The following COL8A1 variants were observed in gnomAD, a reference collection of about 807,000 sequenced individuals.
COL8A1 encodes the protein collagen type VIII alpha 1 chain.
COL8A1 carries 21 observed loss-of-function variants against 42.7 expected under a neutral mutation model. That is an observed-to-expected ratio of 0.49 (90% CI 0.35 to 0.71). The LOEUF (loss-of-function observed/expected upper bound fraction) is 0.71, where lower values mean the gene tolerates loss of function less well. Among genes scored for constraint, COL8A1 ranks in the 30% least tolerant of loss-of-function variants. The probability of loss-of-function intolerance (pLI) is 0.01; values close to 1 mark genes in which losing one functional copy is unlikely to be tolerated. For missense variants in COL8A1, 788 were observed against 962.4 expected (o/e 0.82, Z 2.40); for synonymous variants, 367 against 369.1 (o/e 0.99, Z 0.06).
intron 1 of COL8A1, among the ~76,000 whole-genome samples, chr3:99,666,148 C>A (rs780421183): frequency 6.6e-6 from 1 of 152,180 alleles, no homozygotes; most frequent in African/African-American, 2.4e-5. Context: ...CTAAACCCCA[C>A]TCTGAACCTT....
At chr3:99,770,416 G>A (rs1941556140) in intron 2 of COL8A1, among the ~76,000 whole-genome samples, 1 of 152,126 alleles carries the variant, frequency 6.6e-6, no homozygotes, top group South Asian at 2.1e-4. Flanking sequence ...TGCCAAAATG[G>A]CCTAGCCTGC....
chr3:99,723,614 T>C (rs1372643735), intron 1 of COL8A1, among the ~76,000 whole-genome samples: 1 of 152,162 alleles, frequency 6.6e-6, no homozygotes. Context: ...GAAATTTCTC[T>C]GGCAGGCTAT....
At chr3:99,791,973 C>T (rs945888933) in intron 3 of COL8A1, among the ~76,000 whole-genome samples, 1 of 152,184 alleles carries the variant, frequency 6.6e-6, no homozygotes, top group Non-Finnish European at 1.5e-5. Context: ...GGAGTTGCTA[C>T]AACTGCTCAT....
chr3:99,739,559 G>C (rs1416368950), intron 1 of COL8A1, among the ~76,000 whole-genome samples: 2 of 152,188 alleles, frequency 1.3e-5, no homozygotes, highest in South Asian at 2.1e-4. Flanking sequence ...CTTGACTGCT[G>C]TGTACCCACA....
intron 1 of COL8A1, among the ~76,000 whole-genome samples, chr3:99,694,074 C>G (rs1227519732): frequency 1.3e-5 from 2 of 152,196 alleles, no homozygotes; most frequent in Non-Finnish European, 2.9e-5. Context: ...GTAGTAGGCT[C>G]TACGATCTAG....
intron 2 of COL8A1, among the ~76,000 whole-genome samples, chr3:99,760,240 G>A (rs1359043273): frequency 2.0e-5 from 3 of 152,118 alleles, no homozygotes; most frequent in African/African-American, 4.8e-5. Flanking sequence ...CTCAGAGCAC[G>A]TGAATACATC....
intron 1 of COL8A1, among the ~76,000 whole-genome samples, chr3:99,713,785 G>GA (rs11289129): frequency 1.8e-4 from 27 of 150,798 alleles, no homozygotes; most frequent in South Asian, 4.2e-4. Flanking sequence ...ATGGATTTGT[G>GA]AAAAAAAAAA....
chr3:99,666,326 G>A (rs962843522), intron 1 of COL8A1, among the ~76,000 whole-genome samples: 2 of 152,180 alleles, frequency 1.3e-5, no homozygotes, highest in Non-Finnish European at 2.9e-5. Context: ...CTTGCTGCAA[G>A]GTCCTTGAGC....
At chr3:99,665,435 A>T (rs1938335606) in intron 1 of COL8A1, among the ~76,000 whole-genome samples, 1 of 152,182 alleles carries the variant, frequency 6.6e-6, no homozygotes, top group Non-Finnish European at 1.5e-5. Flanking sequence ...GGGGTCTCTT[A>T]GTACATCTAC....
chr3:99,642,876 A>G (rs1029236021), intron 1 of COL8A1, among the ~76,000 whole-genome samples: 2 of 152,234 alleles, frequency 1.3e-5, no homozygotes, highest in African/African-American at 2.4e-5. Flanking sequence ...TACCTAGAAG[A>G]AAGTAATTTA....
intron 2 of COL8A1, among the ~76,000 whole-genome samples, chr3:99,787,453 C>T (rs1320040237): frequency 1.3e-5 from 2 of 152,124 alleles, no homozygotes; most frequent in African/African-American, 4.8e-5. Context: ...TGCAGTTAAC[C>T]TCACATTTAC....
intron 1 of COL8A1, among the ~76,000 whole-genome samples, chr3:99,737,162 C>G (rs1263403521): frequency 6.6e-6 from 1 of 152,178 alleles, no homozygotes; most frequent in Non-Finnish European, 1.5e-5. Flanking sequence ...ACACAGCACA[C>G]TGATGCGACT....
chr3:99,793,208 A>G (rs955260563), intron 3 of COL8A1, among the ~76,000 whole-genome samples: 1 of 152,160 alleles, frequency 6.6e-6, no homozygotes, highest in African/African-American at 2.4e-5. Flanking sequence ...TTGGATATCT[A>G]TTGCATAGAA....
intron 1 of COL8A1, among the ~76,000 whole-genome samples, chr3:99,741,596 T>C (rs918603732): frequency 6.6e-6 from 1 of 152,204 alleles, no homozygotes; most frequent in African/African-American, 2.4e-5. Flanking sequence ...AACATGGTTT[T>C]ACTCACATGT....
chr3:99,794,835 A>G lies in COL8A1; in HGVS notation c.934A>G (p.Ile312Val), dbSNP rs1411917938. The G allele has an allele frequency of 1.9e-6, 3 of 1,612,236 alleles. No individual in the cohort carries two copies. In the Admixed American group the frequency reaches 5.0e-5, roughly 27 times the overall value. The part of the protein sequence containing the change: ...GVPGVQGPPG[I>V]PGIGKPGQDG... Reference sequence around the variant, plus strand: ...ACCGGGGGTTCAAGGACCTCCTGGGATACCCGGAATTGGAAAGCCAGGCCA... The same window carrying G: ...ACCGGGGGTTCAAGGACCTCCTGGGGTACCCGGAATTGGAAAGCCAGGCCA... Residue 312 changes from isoleucine (I) to valine (V), a missense_variant, in exon 4 of 4, where the codon ATA (isoleucine) becomes GTA (valine). Around this residue, in one of 4 missense-constraint regions of COL8A1, gnomAD observed 421 missense variants for 553.1 expected, o/e 0.76. Transcript: ENST00000652472. The surrounding 1 kb of genome is among the most constrained non-coding windows in gnomAD (Gnocchi z 4.3).
intron 1 of COL8A1, among the ~76,000 whole-genome samples, chr3:99,663,037 G>A (rs1002763087): frequency 1.3e-5 from 2 of 152,042 alleles, no homozygotes; most frequent in Non-Finnish European, 2.9e-5. Context: ...AAAGGATTTC[G>A]GATATTTGAT....
chr3:99,731,717 G>A (rs1235700907), intron 1 of COL8A1, among the ~76,000 whole-genome samples: 1 of 152,124 alleles, frequency 6.6e-6, no homozygotes, highest in Non-Finnish European at 1.5e-5. Flanking sequence ...TTTGGTTTTT[G>A]TTCTCAAGAT....
intron 1 of COL8A1, among the ~76,000 whole-genome samples, chr3:99,707,358 G>C (rs1418789002): frequency 6.6e-6 from 1 of 152,196 alleles, no homozygotes; most frequent in Non-Finnish European, 1.5e-5. Flanking sequence ...CAAGCCCTCA[G>C]AGGGCACCAG....
Position 99,795,566 on chromosome 3 carries a change from G to C in COL8A1, c.1665G>C (p.Gln555His). 1 of 1,610,178 alleles carries C rather than the reference G, an allele frequency of 6.2e-7. No individual in the cohort carries two copies. Among genetic ancestry groups the C allele is most frequent in the Non-Finnish European group, 8.5e-7 (1 of 1,177,954 alleles). ...GKPGALGPQG[Q>H]PGLPGPPGPP... ...CTGGTGCCCTTGGTCCTCAAGGCCA[G>C]CCTGGCCTTCCAGGACCCCCAGGCC... Residue 555 changes from glutamine (Q) to histidine (H), a missense_variant, in exon 4 of 4, where the codon CAG (glutamine) becomes CAC (histidine). By Grantham distance (24) the Gln-to-His change is conservative. This residue lies in a region of COL8A1 where 154 missense variants were observed against 182.3 expected (regional missense o/e 0.84). Transcript: ENST00000652472.
Sources: gnomAD v4.1 joint callset for allele counts (sites outside exome capture counted in the v4.1 genomes callset) on GRCh38, gnomAD v4.1.1 for gene constraint, gnomAD v4.1.1 regional missense constraint, Gnocchi (gnomAD v3.1) non-coding constraint, MANE v1.5 for transcripts, NCBI Gene and HGNC (gene_info 2026-07-23, HGNC 2026-07-21) for gene names.